The following LOXHD1 variants were observed in gnomAD, a reference collection of about 807,000 sequenced individuals.
LOXHD1 encodes the protein lipoxygenase homology PLAT domains 1.
A neutral mutation model predicts 248.2 loss-of-function variants in LOXHD1; 205 were observed. The ratio of observed to expected loss-of-function variants is 0.83; its 90% CI spans 0.74 to 0.93. The LOEUF (loss-of-function observed/expected upper bound fraction) is 0.93. Ranked by LOEUF, LOXHD1 falls within the 40% of genes least tolerant of loss-of-function variation. The pLI, the probability that LOXHD1 is intolerant of heterozygous loss-of-function variation, is 0.00. For missense variants in LOXHD1, 2,930 were observed against 2,971.6 expected (o/e 0.99, Z 0.33); for synonymous variants, 1,113 against 1,162.8 (o/e 0.96, Z 0.87).
intron 37 of LOXHD1, among the ~76,000 whole-genome samples, chr18:46,501,491 C>G (rs1410177543): frequency 6.6e-6 from 1 of 152,156 alleles, no homozygotes; most frequent in Admixed American, 6.5e-5. Context: ...ACGTGCCTTC[C>G]AGAGATGATA....
chr18:46,601,588 C>A, intron 7 of LOXHD1, 121 bp from the exon 8 acceptor site: 1 of 1,340,592 alleles, frequency 7.5e-7, no homozygotes, highest in Non-Finnish European at 1.0e-6. Flanking sequence ...CATCCTCTTT[C>A]CCCATCATGT....
intron 12 of LOXHD1, among the ~76,000 whole-genome samples, chr18:46,585,073 C>T (rs562671746): frequency 1.4e-4 from 22 of 152,030 alleles, no homozygotes; most frequent in African/African-American, 5.3e-4. Context: ...TTCATCAACC[C>T]ATAAACGTTA....
Position 46,559,593 on chromosome 18 carries a change from T to C in LOXHD1, c.3071A>G (p.Tyr1024Cys), listed in dbSNP as rs939683156. 9 of 1,551,768 alleles carry C rather than the reference T, an allele frequency of 5.8e-6. No homozygotes were observed. The highest frequency in any genetic ancestry group is 5.2e-6 in the Non-Finnish European group (6 of 1,146,978). ...ATTCCCCGTGACCACCTGAACCTCA[T>C]AGGTGTTTCCTGTAGACACAGAAAG... ...AGKPGPERNT[Y>C]EVQVVTGNVP... is the part of the protein sequence containing the mutation. The change falls in exon 20 of 41, where the codon TAT becomes TGT. Residue 1024 changes from tyrosine to cysteine, a missense_variant. Coordinates refer to ENST00000642948, the MANE Select transcript of LOXHD1 (RefSeq NM_001384474.1).
At chr18:46,586,558 G>T (rs1174136274) in intron 12 of LOXHD1, among the ~76,000 whole-genome samples, 3 of 152,166 alleles carry the variant, frequency 2.0e-5, no homozygotes, top group Non-Finnish European at 2.9e-5. Context: ...CAATTCTCTT[G>T]CCTCAGCCTC....
chr18:46,510,695 C>T (rs16978571), intron 34 of LOXHD1, among the ~76,000 whole-genome samples: 6,958 of 152,286 alleles, frequency 0.046, 162 homozygotes, highest in Middle Eastern at 0.061. Flanking sequence ...TAGCTGATGG[C>T]GGCTGAGACT....
At chr18:46,592,660 A>C in intron 10 of LOXHD1, 76 bp from the exon 11 acceptor site, 2 of 1,253,238 alleles carry the variant, frequency 1.6e-6, no homozygotes, top group Non-Finnish European at 2.3e-6. Context: ...ACCCACTCTC[A>C]GGAGGGTACC....
chr18:46,619,402 A>G (rs1029502537), intron 4 of LOXHD1, among the ~76,000 whole-genome samples: 18 of 152,080 alleles, frequency 1.2e-4, no homozygotes. Flanking sequence ...TGCCTGTGAC[A>G]ATGATTTTTG....
At chr18:46,646,408 G>A (rs1486777477) in intron 2 of LOXHD1, among the ~76,000 whole-genome samples, 3 of 152,162 alleles carry the variant, frequency 2.0e-5, no homozygotes, top group Non-Finnish European at 4.4e-5. Context: ...AAAGGTCTTA[G>A]ATAGCAAGGA....
Position 46,577,739 on chromosome 18 carries a change from A to G in LOXHD1, c.1938T>C (p.Pro646=). 3.2e-6 allele frequency: 5 copies of G among 1,551,646 alleles called. No individual in the cohort carries two copies. The highest frequency in any genetic ancestry group is 1.2e-5 in the South Asian group (1 of 84,050). The stretch of plus-strand genomic sequence containing the variant: ...ATGGGAACTCCACGTTGTCGCTCTC[A>G]GGCTGCCCCTCCTCTCTCACCAGCA... ...DRVLVREEGQ[P]ESDNVEFPCL... is the part of the protein sequence containing the mutation. The change falls in exon 14 of 41, where the codon CCT becomes CCC. Residue 646 remains proline (P), a synonymous_variant. Transcript: ENST00000642948.
intron 25 of LOXHD1, among the ~76,000 whole-genome samples, chr18:46,539,451 A>T (rs1252599897): frequency 7.5e-6 from 1 of 133,554 alleles, no homozygotes; most frequent in East Asian, 2.5e-4. Context: ...ACAGAGTGAG[A>T]CTCTCTCTTA....
intron 34 of LOXHD1, among the ~76,000 whole-genome samples, chr18:46,516,082 T>A (rs1397396511): frequency 6.6e-6 from 1 of 152,210 alleles, no homozygotes; most frequent in South Asian, 2.1e-4. Flanking sequence ...GAGTCTCTTG[T>A]TGTAGCAAGC....
intron 16 of LOXHD1, among the ~76,000 whole-genome samples, chr18:46,568,968 G>T (rs578146150): frequency 6.6e-6 from 1 of 152,154 alleles, no homozygotes. Flanking sequence ...AATCTCTCAG[G>T]TGTGGCCCAG....
At chr18:46,499,097 T>G (rs1048412481) in intron 37 of LOXHD1, among the ~76,000 whole-genome samples, 2 of 152,220 alleles carry the variant, frequency 1.3e-5, no homozygotes, top group Non-Finnish European at 2.9e-5. Context: ...ATTAGGCATA[T>G]AAATGTGAAT....
Position 46,521,143 on chromosome 18 carries a change from C to G in LOXHD1, c.5225G>C (p.Arg1742Pro). ...AKDRGDGITS[R>P]VFDLLDAMVV... ...CATGGCATCCAAGAGGTCGAAGACA[C>G]GGGAGGTGATGCCGTCGCCTCTGTC... The change falls in exon 33 of 41, where the codon CGT (arginine) becomes CCT (proline). Residue 1742 changes from arginine (R) to proline (P), a missense_variant. By Grantham distance (103) the Arg-to-Pro change is moderately radical (BLOSUM62 -2). Transcript: ENST00000642948. 1 of 1,551,702 alleles carries G rather than the reference C, an allele frequency of 6.4e-7. No homozygotes were observed. Among genetic ancestry groups the G allele is most frequent in the Non-Finnish European group, 8.7e-7 (1 of 1,146,998 alleles).
At chr18:46,519,691 C>T (rs1278847912) in intron 33 of LOXHD1, among the ~76,000 whole-genome samples, 1 of 152,134 alleles carries the variant, frequency 6.6e-6, no homozygotes, top group Non-Finnish European at 1.5e-5. Flanking sequence ...CTTCAGCTGC[C>T]CCATGGAGAC....
At chr18:46,521,076 C>T in intron 33 of LOXHD1, 21 bp downstream of exon 33, 1 of 1,550,264 alleles carries the variant, frequency 6.5e-7, no homozygotes, top group Non-Finnish European at 8.7e-7. Flanking sequence ...ATGCACTGCA[C>T]ACTCACAGTG....
intron 38 of LOXHD1, among the ~76,000 whole-genome samples, chr18:46,488,545 T>G (rs548227601): frequency 1.2e-4 from 19 of 152,248 alleles, no homozygotes; most frequent in African/African-American, 4.6e-4. Context: ...CCTTTAAATA[T>G]CCCCTGAGGA....
Position 46,610,926 on chromosome 18 carries a change from T to C in LOXHD1, c.611-2A>G. 1 of 1,551,798 alleles carries C rather than the reference T, an allele frequency of 6.4e-7. No homozygotes were observed. The highest frequency in any genetic ancestry group is 1.2e-5 in the South Asian group (1 of 84,026). ...TTTCATTTTCTAGCCTACGCTCCCC[T>C]GTATGCACAGACATACAAAAGAAAT... On this transcript the variant is annotated splice_acceptor_variant, in intron 5 of 40. Coordinates refer to ENST00000642948, the MANE Select transcript of LOXHD1 (RefSeq NM_001384474.1). LOFTEE classifies it high-confidence loss of function.
At chr18:46,554,501 T>A (rs899080969) in intron 21 of LOXHD1, among the ~76,000 whole-genome samples, 9 of 152,204 alleles carry the variant, frequency 5.9e-5, no homozygotes, top group Non-Finnish European at 1.2e-4. Flanking sequence ...TATAATTTTT[T>A]GTCTAGCTCC....
Sources: allele counts gnomAD v4.1 joint callset (sites outside exome capture counted in the v4.1 genomes callset), GRCh38; gene constraint gnomAD v4.1.1; transcripts MANE v1.5; gene names NCBI Gene and HGNC (gene_info 2026-07-23, HGNC 2026-07-21).